KLF5: variants seen among roughly 807,000 people sequenced by gnomAD.
KLF5 encodes KLF transcription factor 5.
KLF5 carries 9 observed loss-of-function variants against 36.9 expected under a neutral mutation model. The ratio of observed to expected loss-of-function variants is 0.24; its 90% CI spans 0.15 to 0.43. The LOEUF is 0.43. Among genes scored for constraint, KLF5 ranks in the 20% least tolerant of loss-of-function variants. The pLI is 1.00. For missense variants in KLF5, 524 were observed against 599.5 expected (o/e 0.87, Z 1.31); for synonymous variants, 246 against 241.7 (o/e 1.02, Z -0.17).
chr13:73,070,418 G>T (rs1030505468), intron 3 of KLF5, among the ~76,000 whole-genome samples: 2 of 152,226 alleles, frequency 1.3e-5, no homozygotes, highest in Non-Finnish European at 2.9e-5. Flanking sequence ...CCCATTATAA[G>T]AAAGTGAATC....
At chr13:73,057,586 ATTTC>A (rs2044590748), upstream of KLF5, among the ~76,000 whole-genome samples, 1 of 152,218 alleles carries the variant, frequency 6.6e-6, no homozygotes, top group Non-Finnish European at 1.5e-5. Context: ...TAATAAATAC[ATTTC>A]TTTATGTGCA....
chr13:73,057,508 CAT>C (rs1318563951), upstream of KLF5, among the ~76,000 whole-genome samples: 4 of 152,126 alleles, frequency 2.6e-5, no homozygotes, highest in South Asian at 2.1e-4. Flanking sequence ...AAAAATGAAT[CAT>C]GTGTCAACAG....
chr13:73,059,396 C>G lies in KLF5; in HGVS notation c.69C>G (p.Asp23Glu). The change falls in exon 1 of 4, where the codon GAC (aspartate) becomes GAG (glutamate). Residue 23 changes from aspartate to glutamate, a missense_variant. Around this residue, in one of 4 missense-constraint regions of KLF5, gnomAD observed 454 missense variants for 458.1 expected, o/e 0.99. Coordinates refer to ENST00000377687, the MANE Select transcript of KLF5 (RefSeq NM_001730.5). ...GPVPQPPAPQDEPVFAQLKPV... is the reference protein window; with the variant it reads ...GPVPQPPAPQEEPVFAQLKPV... ...TGCCCCAGCCGCCGGCGCCGCAGGA[C>G]GAGCCGGTGTTCGCGCAGCTCAAGC... is the stretch of plus-strand genomic sequence containing the variant. 4 of 1,398,992 alleles carry G rather than the reference C, an allele frequency of 2.9e-6. No individual in the cohort carries two copies. Among genetic ancestry groups the G allele is most frequent in the Non-Finnish European group, 3.7e-6 (4 of 1,077,308 alleles). The allele number at this position is 1,398,992 out of a possible 1,614,324, so 86.7% of individuals were successfully genotyped here.
At chr13:73,075,430 T>C (rs1566567345) in intron 3 of KLF5, among the ~76,000 whole-genome samples, 2 of 152,192 alleles carry the variant, frequency 1.3e-5, no homozygotes, top group African/African-American at 2.4e-5. Context: ...CACTGATTCG[T>C]TTTGTACTTG....
At position 73,062,849 on chromosome 13, in the gene KLF5, T is replaced by C. The variant is rs1428143852; in HGVS notation, c.1135+115T>C. 4.7e-5 allele frequency: 39 copies of C among 835,212 alleles called. No homozygotes were observed. The South Asian group carries it at 6.3e-4, about 14-fold the overall frequency. The allele number at this position is 835,212 out of a possible 1,614,324, so 51.7% of individuals were successfully genotyped here. A position where few individuals can be genotyped will look rare whatever the true frequency, so the allele number is the denominator to read the frequency against. Reference sequence around the variant, plus strand: ...CGTGCCCTTTTCAACCTCATGGCTTTAAATAGGAAAGTTGTACTTGACAGT... The same window carrying C: ...CGTGCCCTTTTCAACCTCATGGCTTCAAATAGGAAAGTTGTACTTGACAGT... On this transcript the variant is annotated intron_variant, in intron 2 of 3. Transcript: ENST00000377687.
chr13:73,057,215 T>C (rs2044588561), upstream of KLF5, among the ~76,000 whole-genome samples: 1 of 152,244 alleles, frequency 6.6e-6, no homozygotes, highest in South Asian at 2.1e-4. Context: ...ACATCACATT[T>C]AGGTTTGATG....
chr13:73,061,648 G>A (rs1363053859), intron 1 of KLF5, among the ~76,000 whole-genome samples: 1 of 152,114 alleles, frequency 6.6e-6, no homozygotes, highest in Non-Finnish European at 1.5e-5. Context: ...TGGGGGAGCA[G>A]TTTTACCAGT....
intron 2 of KLF5, among the ~76,000 whole-genome samples, chr13:73,063,313 G>T (rs1470376458): frequency 2.0e-5 from 3 of 152,192 alleles, no homozygotes; most frequent in African/African-American, 7.2e-5. Flanking sequence ...CAAAGTATAA[G>T]TTGAAGACAA....
chr13:73,065,574 A>G (rs1340636784), intron 3 of KLF5, among the ~76,000 whole-genome samples: 2 of 152,254 alleles, frequency 1.3e-5, no homozygotes, highest in Non-Finnish European at 2.9e-5. Context: ...ATAGTTAAAC[A>G]CAAATGAATT....
intron 3 of KLF5, among the ~76,000 whole-genome samples, chr13:73,069,771 TATAA>T (rs1258459936): frequency 6.6e-6 from 1 of 152,248 alleles, no homozygotes; most frequent in Non-Finnish European, 1.5e-5. Flanking sequence ...AAAAGTTAAG[TATAA>T]TTTGATTCAG....
At chr13:73,063,409 G>T (rs1395946126) in intron 2 of KLF5, among the ~76,000 whole-genome samples, 2 of 152,124 alleles carry the variant, frequency 1.3e-5, no homozygotes, top group Non-Finnish European at 2.9e-5. Flanking sequence ...ACATGATATG[G>T]CATGACGTGC....
chr13:73,057,828 A>C (rs1397712948), upstream of KLF5, among the ~76,000 whole-genome samples: 1 of 152,248 alleles, frequency 6.6e-6, no homozygotes, highest in African/African-American at 2.4e-5. Context: ...TCCTCCCAAT[A>C]AGCCAGATAA....
At chr13:73,058,375 A>C (rs1441047571), upstream of KLF5, among the ~76,000 whole-genome samples, 2 of 152,218 alleles carry the variant, frequency 1.3e-5, no homozygotes, top group Admixed American at 6.5e-5. Flanking sequence ...CTTGCCATCA[A>C]ATCTTTTATT....
chr13:73,061,594 T>C (rs1566563298), intron 1 of KLF5, among the ~76,000 whole-genome samples: 1 of 152,238 alleles, frequency 6.6e-6, no homozygotes, highest in African/African-American at 2.4e-5. Context: ...TAAGTTTGCT[T>C]TCTTTTTTAT....
Position 73,077,232 on chromosome 13 carries a change from T to A in KLF5, c.*1346T>A, listed in dbSNP as rs929374557. On this transcript the variant is annotated 3_prime_UTR_variant, in exon 4 of 4. Coordinates refer to ENST00000377687, the MANE Select transcript of KLF5 (RefSeq NM_001730.5). ...TAGTAAGTTTTTTTAGAAGACAATT[T>A]TCATAACTTGATAAATTATAGTTTT... 9 of 152,668 alleles carry A rather than the reference T, an allele frequency of 5.9e-5. No homozygotes were observed. Among genetic ancestry groups the A allele is most frequent in the African/African-American group, 2.2e-4 (9 of 41,454 alleles). The allele number at this position is 152,668 out of a possible 1,614,324, so 9.5% of individuals were successfully genotyped here. A position where few individuals can be genotyped will look rare whatever the true frequency, so the allele number is the denominator to read the frequency against.
At position 73,059,424 on chromosome 13, in the gene KLF5, G is replaced by C. The variant is rs2139099967; in HGVS notation, c.97G>C (p.Val33Leu). ...DEPVFAQLKPVLGAANPARDA... is the reference protein window; with the variant it reads ...DEPVFAQLKPLLGAANPARDA... ...GCCGGTGTTCGCGCAGCTCAAGCCG[G>C]TGCTGGGCGCCGCGAATCCGGCCCG... Residue 33 changes from valine to leucine, a missense_variant, in exon 1 of 4, where the codon GTG (valine) becomes CTG (leucine). This residue lies in a region of KLF5 where 454 missense variants were observed against 458.1 expected (regional missense o/e 0.99). Transcript: ENST00000377687. 1.5e-6 allele frequency: 2 copies of C among 1,315,592 alleles called. No homozygotes were observed. Among genetic ancestry groups the C allele is most frequent in the East Asian group, 6.2e-5 (2 of 32,040 alleles). 81.5% of individuals were successfully genotyped at this position (1,315,592 alleles called of 1,614,324 possible).
rs1291543833 is a variant in KLF5 at position 73,070,972 on chromosome 13, G to GC, written c.1196-4734dup. 2.0e-5 allele frequency among the ~76,000 whole-genome samples: 3 copies of GC among 152,302 alleles called. No homozygotes were observed. The East Asian group carries it at 5.8e-4, about 29-fold the overall frequency. ...TGACAGCCTCACAAGAACCTTTTAT[G>GC]CCTTCCCTCCTTTTCTTTAATCAGA... On this transcript the variant is annotated intron_variant, in intron 3 of 3. Transcript: ENST00000377687.
chr13:73,064,261 T>TA (rs1261208453), intron 3 of KLF5, among the ~76,000 whole-genome samples: 1 of 152,236 alleles, frequency 6.6e-6, no homozygotes, highest in Non-Finnish European at 1.5e-5. Context: ...AAAGCCATTT[T>TA]AAACTCTTAA....
intron 3 of KLF5, among the ~76,000 whole-genome samples, chr13:73,067,589 C>CT (rs999874528): frequency 5.3e-5 from 8 of 151,988 alleles, no homozygotes; most frequent in Middle Eastern, 3.4e-3. Flanking sequence ...TTTTTTCTTT[C>CT]TTTTTTTTCC....
Sources: gnomAD v4.1 joint callset for allele counts (sites outside exome capture counted in the v4.1 genomes callset) on GRCh38, gnomAD v4.1.1 for gene constraint, gnomAD v4.1.1 regional missense constraint, MANE v1.5 for transcripts, NCBI Gene and HGNC (gene_info 2026-07-23, HGNC 2026-07-21) for gene names.